The following TRIM29 variants were observed in gnomAD, a reference collection of about 807,000 sequenced individuals.
The protein encoded by TRIM29 is tripartite motif containing 29, also known as tripartite motif-containing protein 29.
TRIM29 carries 52 observed loss-of-function variants against 57.3 expected under a neutral mutation model. The observed-to-expected ratio is 0.91, with a 90% confidence interval of 0.73 to 1.14. The LOEUF (loss-of-function observed/expected upper bound fraction) is 1.14. Ranked by LOEUF, TRIM29 falls within the 50% of genes most tolerant of loss-of-function variation. The pLI, the probability that TRIM29 is intolerant of heterozygous loss-of-function variation, is 0.00. For synonymous variants in TRIM29, 319 were observed against 316.9 expected, an observed-to-expected ratio of 1.01 and a Z score of -0.07; for missense variants, 753 against 774.6, an observed-to-expected ratio of 0.97 and a Z score of 0.33.
intron 8 of TRIM29, among the ~76,000 whole-genome samples, chr11:120,113,348 C>T (rs1312213706): frequency 6.6e-6 from 1 of 152,100 alleles, no homozygotes; most frequent in African/African-American, 2.4e-5. Flanking sequence ...TCATCAGGGC[C>T]CTGAGGAGGC....
chr11:120,126,258 C>CTTT (rs35133292), intron 3 of TRIM29: 11 of 152,748 alleles, frequency 7.2e-5, no homozygotes, highest in African/African-American at 1.8e-4. Context: ...TTCTTTCTTT[C>CTTT]TTTTTTTTTT....
intron 6 of TRIM29, 136 bp from the exon 7 acceptor site, chr11:120,118,457 T>C: frequency 7.9e-6 from 5 of 632,236 alleles, no homozygotes; most frequent in Non-Finnish European, 1.1e-5. Flanking sequence ...GTGATCCCAG[T>C]GACGCCTCAC....
chr11:120,131,519 G>A (rs961612507), intron 1 of TRIM29, among the ~76,000 whole-genome samples: 1 of 152,062 alleles, frequency 6.6e-6, no homozygotes, highest in African/African-American at 2.4e-5. Flanking sequence ...GGGTGGAGGA[G>A]AGACTTGGCC....
rs564624110 is a variant in TRIM29, at chr11:120,112,350, G to A, written c.*64C>T. The stretch of plus-strand genomic sequence containing the variant: ...CCCAGACAAGCACAGTAGCTTAGAA[G>A]GCAAGAGCAGCAGGGTCAGGAGGAA... On this transcript the variant is annotated 3_prime_UTR_variant, in exon 9 of 9. Transcript: ENST00000341846. The A allele has an allele frequency of 4.5e-5, 71 of 1,592,612 alleles. 1 individual carries two copies. The African/African-American group carries it at 7.0e-4, about 16-fold the overall frequency.
chr11:120,118,635 C>A (rs551025213), intron 6 of TRIM29, among the ~76,000 whole-genome samples: 2 of 151,982 alleles, frequency 1.3e-5, no homozygotes, highest in Non-Finnish European at 2.9e-5. Flanking sequence ...CACCATCTCC[C>A]ACTTCTTGAC....
rs1370994319 is a variant in TRIM29, at chr11:120,127,237, G to A, written c.1134+99C>T. On this transcript the variant is annotated intron_variant, in intron 3 of 8. Transcript: ENST00000341846. ...GGTGGATGAACAGATAGACGAATAG[G>A]TGGATAAGTGGATAGGTGGATGGAT... 5 of 993,600 alleles carry A rather than the reference G, an allele frequency of 5.0e-6. No homozygotes were observed. The African/African-American group carries it at 6.4e-5, about 13-fold the overall frequency. The allele number at this position is 993,600 out of a possible 1,614,324, so 61.5% of individuals were successfully genotyped here. A position where few individuals can be genotyped will look rare whatever the true frequency, so the allele number is the denominator to read the frequency against.
At chr11:120,133,259 G>T (rs1318804524) in intron 1 of TRIM29, among the ~76,000 whole-genome samples, 1 of 152,332 alleles carries the variant, frequency 6.6e-6, no homozygotes, top group East Asian at 1.9e-4. Flanking sequence ...ATCTCAAGAA[G>T]ACCCTTCCAA....
chr11:120,122,042 G>A (rs1456216996), intron 5 of TRIM29: 4 of 435,338 alleles, frequency 9.2e-6, no homozygotes, highest in South Asian at 1.6e-5. Flanking sequence ...AAGCCCAGGG[G>A]TTGTTTTCAA....
chr11:120,133,490 T>A (rs1308373817), intron 1 of TRIM29, among the ~76,000 whole-genome samples: 1 of 152,156 alleles, frequency 6.6e-6, no homozygotes, highest in Non-Finnish European at 1.5e-5. Flanking sequence ...GTCTCCAAGC[T>A]TCTTTTATTT....
intron 6 of TRIM29, 27 bp from the exon 7 acceptor site, chr11:120,118,348 G>A (rs900402907): frequency 1.3e-6 from 2 of 1,576,178 alleles, no homozygotes; most frequent in Admixed American, 1.7e-5. Context: ...GGGCTGTCAG[G>A]CCCCCACAGC....
At chr11:120,131,906 C>A (rs1424353529) in intron 1 of TRIM29, among the ~76,000 whole-genome samples, 2 of 149,548 alleles carry the variant, frequency 1.3e-5, no homozygotes, top group East Asian at 3.9e-4. Flanking sequence ...TCTCCTTTAA[C>A]CAGCAAAAGC....
chr11:120,137,444 C>T lies in TRIM29; in HGVS notation c.588G>A (p.Glu196=). The change falls in exon 1 of 9, where the codon GAG becomes GAA. Residue 196 remains glutamate (E), a synonymous_variant. Transcript: ENST00000341846. This position sits in a 1 kb window ranked among gnomAD's most constrained non-coding sequence, Gnocchi z 6.2. ...SCLVCQASFC[E]LHLKPHLEGA... The stretch of plus-strand genomic sequence containing the variant: ...CCTCCAGGTGGGGCTTGAGATGCAG[C>T]TCGCAGAAGGAGGCCTGGCACACCA... 1 of 1,607,008 alleles carries T rather than the reference C, an allele frequency of 6.2e-7. No homozygotes were observed.
chr11:120,112,979 G>T (rs1357138781), intron 8 of TRIM29, among the ~76,000 whole-genome samples: 3 of 152,160 alleles, frequency 2.0e-5, no homozygotes, highest in Non-Finnish European at 4.4e-5. Flanking sequence ...CACTCAGCTG[G>T]TAAGCAAGGA....
At chr11:120,118,463 C>T in intron 6 of TRIM29, 142 bp from the exon 7 acceptor site, 1 of 621,942 alleles carries the variant, frequency 1.6e-6, no homozygotes, top group South Asian at 2.0e-5. Context: ...CCAGTGACGC[C>T]TCACCCCCAT....
rs569071154 is a variant in TRIM29, at chr11:120,128,992, G to A, written c.805-497C>T. The A allele has an allele frequency of 4.3e-4, 504 of 1,159,196 alleles. 9 individuals carry two copies. The South Asian group carries it at 7.1e-3, about 16-fold the overall frequency. The allele number at this position is 1,159,196 out of a possible 1,614,324, so 71.8% of individuals were successfully genotyped here. A position where few individuals can be genotyped will look rare whatever the true frequency, so the allele number is the denominator to read the frequency against. Reference sequence around the variant, plus strand: ...AGCAGCAGCCAGGGTTGCCGCCGGCGTGGACTCCGTCTGGGCAGGCACAGC... The same window carrying A: ...AGCAGCAGCCAGGGTTGCCGCCGGCATGGACTCCGTCTGGGCAGGCACAGC... On this transcript the variant is annotated intron_variant, in intron 1 of 8. Coordinates refer to ENST00000341846, the MANE Select transcript of TRIM29 (RefSeq NM_012101.4).
chr11:120,123,565 C>A (rs904212327), intron 4 of TRIM29: 24 of 412,550 alleles, frequency 5.8e-5, no homozygotes, highest in Non-Finnish European at 1.1e-4. Context: ...CCAGTGTTGG[C>A]CTCCATGGCC....
chr11:120,125,428 A>G (rs556915968), intron 4 of TRIM29: 185 of 504,616 alleles, frequency 3.7e-4, no homozygotes, highest in African/African-American at 3.5e-3. Flanking sequence ...ACCCACAGAG[A>G]GGAGGCATTT....
chr11:120,115,625 G>A, intron 7 of TRIM29: 1 of 569,584 alleles, frequency 1.8e-6, no homozygotes, highest in Non-Finnish European at 3.1e-6. Flanking sequence ...CAGCAAAGCA[G>A]ACAGAAGGAG....
chr11:120,127,193 G>A, intron 3 of TRIM29, 143 bp downstream of exon 3: 2 of 688,164 alleles, frequency 2.9e-6, no homozygotes, highest in South Asian at 1.9e-5. Flanking sequence ...TGAATGGATG[G>A]ATGGTTGGAT....
Sources: gnomAD v4.1 joint callset for allele counts (sites outside exome capture counted in the v4.1 genomes callset) on GRCh38, gnomAD v4.1.1 for gene constraint, Gnocchi (gnomAD v3.1) non-coding constraint, MANE v1.5 for transcripts, NCBI Gene and HGNC (gene_info 2026-07-23, HGNC 2026-07-21) for gene names.